Variants in LGR6 observed in about 807,000 individuals in gnomAD.
The protein encoded by LGR6 is leucine-rich repeat-containing G protein-coupled receptor 6.
Under a neutral mutation model 69.4 loss-of-function variants are expected in LGR6, and 45 were observed. The observed-to-expected ratio is 0.65, with a 90% CI of 0.51 to 0.83. LGR6 has a LOEUF of 0.83. Ranked by LOEUF, LGR6 falls within the 40% of genes least tolerant of loss-of-function variation. The pLI, the probability that LGR6 is intolerant of heterozygous loss-of-function variation, is 0.00. For synonymous variants in LGR6, 538 were observed against 555.0 expected (o/e 0.97, Z 0.43); for missense variants, 1,108 against 1,246.7 (o/e 0.89, Z 1.68).
chr1:202,263,282 C>T (rs1388823520), intron 4 of LGR6, among the ~76,000 whole-genome samples: 2 of 152,016 alleles, frequency 1.3e-5, no homozygotes, highest in Admixed American at 6.6e-5. Context: ...ACCCCAATGC[C>T]CAGCTAAATT....
chr1:202,309,736 C>A (rs1042219538), intron 15 of LGR6, among the ~76,000 whole-genome samples: 5 of 152,224 alleles, frequency 3.3e-5, no homozygotes, highest in Non-Finnish European at 5.9e-5. Context: ...CTCCAATATG[C>A]CCAGAGGTGG....
intron 4 of LGR6, among the ~76,000 whole-genome samples, chr1:202,246,001 C>T (rs1435504213): frequency 6.8e-6 from 1 of 147,240 alleles, no homozygotes. Flanking sequence ...CATCCATCCC[C>T]CATCCCTCCT....
rs540041139 is a variant in LGR6, at chr1:202,317,900, A to G, written c.1649-52A>G. The G allele has an allele frequency of 3.1e-5, 47 of 1,502,992 alleles. No individual in the cohort carries two copies. In the South Asian group the frequency reaches 5.8e-4, roughly 18 times the overall value. 93.1% of individuals were successfully genotyped at this position (1,502,992 alleles called of 1,614,324 possible). A position where few individuals can be genotyped will look rare whatever the true frequency, so the allele number is the denominator to read the frequency against. The stretch of plus-strand genomic sequence containing the variant: ...ACAGAGGCTGACCTTGGTCCTGAAG[A>G]CCTGGTCCCACCATCCTCTGGCCCA... On this transcript the variant is annotated intron_variant, in intron 17 of 17. Transcript: ENST00000367278.
chr1:202,244,278 G>A (rs543685558), intron 4 of LGR6, among the ~76,000 whole-genome samples: 78 of 152,256 alleles, frequency 5.1e-4, no homozygotes, highest in African/African-American at 1.8e-3. Context: ...GTCTTAACAA[G>A]CCCTCCAGGT....
At chr1:202,214,839 T>G (rs961742860) in intron 1 of LGR6, among the ~76,000 whole-genome samples, 10 of 152,126 alleles carry the variant, frequency 6.6e-5, no homozygotes, top group Admixed American at 3.3e-4. Flanking sequence ...TTTAGCACAG[T>G]GTGTGATCCA....
chr1:202,318,414 C>T lies in LGR6; in HGVS notation c.2111C>T (p.Pro704Leu). 6.2e-7 allele frequency: 1 copy of T among 1,609,576 alleles called. No homozygotes were observed. Among genetic ancestry groups the T allele is most frequent in the Non-Finnish European group, 8.5e-7 (1 of 1,178,036 alleles). Reference sequence around the variant, plus strand: ...CTGGCAGGGCTGGCCGCCGCGCTGCCCCTGGCCTCAGTGGGAGAATACGGG... The same window carrying T: ...CTGGCAGGGCTGGCCGCCGCGCTGCTCCTGGCCTCAGTGGGAGAATACGGG... ...LALAGLAAAL[P>L]LASVGEYGAS... Residue 704 changes from proline (P) to leucine (L), a missense_variant, in exon 18 of 18, where the codon CCC becomes CTC. Coordinates refer to ENST00000367278, the MANE Select transcript of LGR6 (RefSeq NM_001017403.2).
chr1:202,297,554 A>G lies in LGR6; in HGVS notation c.763A>G (p.Thr255Ala), dbSNP rs1667251817. ...GCAGGAGTTCCCTGTGGCCATCCGG[A>G]CCCTGGGCAGACTGCAGGAACTGTA... ...KLQEFPVAIR[T>A]LGRLQELGFH... The change falls in exon 7 of 18, where the codon ACC becomes GCC. Residue 255 changes from threonine to alanine, a missense_variant. Thr to Ala is a moderately conservative substitution (Grantham distance 58). Transcript: ENST00000367278. The G allele has an allele frequency of 6.2e-7, 1 of 1,613,814 alleles. No individual in the cohort carries two copies. Among genetic ancestry groups the G allele is most frequent in the Non-Finnish European group, 8.5e-7 (1 of 1,179,886 alleles).
intron 13 of LGR6, 133 bp from the exon 14 acceptor site, chr1:202,307,197 C>T: frequency 1.1e-6 from 1 of 877,572 alleles, no homozygotes; most frequent in Non-Finnish European, 1.8e-6. Flanking sequence ...GCAGCAGGTA[C>T]CTTCCCCAAA....
rs1404050886 is a variant in LGR6 at position 202,268,312 on chromosome 1, TGCTCG to T, written c.429-7991_429-7987del. Among the ~76,000 whole-genome samples the T allele has an allele frequency of 6.6e-6, 1 of 152,182 alleles. No homozygotes were observed. Among genetic ancestry groups the T allele is most frequent in the African/African-American group, 2.4e-5 (1 of 41,440 alleles). On this transcript the variant is annotated intron_variant, in intron 4 of 17. Transcript: ENST00000367278. The surrounding 1 kb of genome is among the most constrained non-coding windows in gnomAD (Gnocchi z 4.4). The stretch of plus-strand genomic sequence containing the variant: ...GGAAGGCCCAAGGGCATCTCCTCAC[TGCTCG>T]GCAGGTGCCAGCCTGCTCCCTGCTG...
At chr1:202,290,807 T>A (rs991324208) in intron 6 of LGR6, among the ~76,000 whole-genome samples, 1 of 152,182 alleles carries the variant, frequency 6.6e-6, no homozygotes, top group African/African-American at 2.4e-5. Context: ...GAGGTTGTAG[T>A]GAGCTGAGAT....
chr1:202,209,707 G>A (rs960555562), intron 1 of LGR6, among the ~76,000 whole-genome samples: 3 of 152,180 alleles, frequency 2.0e-5, no homozygotes, highest in Non-Finnish European at 2.9e-5. Flanking sequence ...CCTTTCACTC[G>A]AAGTATGGTT....
At chr1:202,285,168 A>T (rs1449114405) in intron 6 of LGR6, among the ~76,000 whole-genome samples, 1 of 152,250 alleles carries the variant, frequency 6.6e-6, no homozygotes, top group Non-Finnish European at 1.5e-5. Flanking sequence ...TTTCCACAGA[A>T]CATTTTTACT....
chr1:202,288,709 G>C (rs535640615), intron 6 of LGR6, among the ~76,000 whole-genome samples: 1 of 152,292 alleles, frequency 6.6e-6, no homozygotes, highest in East Asian at 1.9e-4. Flanking sequence ...ATGCTGTCTT[G>C]GAGAAATGGC....
chr1:202,298,013 T>A (rs941402590), intron 7 of LGR6, among the ~76,000 whole-genome samples: 1 of 152,232 alleles, frequency 6.6e-6, no homozygotes, highest in Non-Finnish European at 1.5e-5. Flanking sequence ...AGCCACCATT[T>A]ATTATTTTAT....
intron 1 of LGR6, among the ~76,000 whole-genome samples, chr1:202,204,447 CCA>C (rs199857270): frequency 0.36 from 25,502 of 69,994 alleles, 5,888 homozygotes; most frequent in South Asian, 0.6. Flanking sequence ...ACACACACCT[CCA>C]CACACACACA....
At chr1:202,223,087 G>A (rs1372986105) in intron 1 of LGR6, among the ~76,000 whole-genome samples, 3 of 109,658 alleles carry the variant, frequency 2.7e-5, no homozygotes, top group East Asian at 3.4e-4. Flanking sequence ...GGTGACAACA[G>A]TGAAACTCTG....
At chr1:202,275,523 A>C (rs1394919213) in intron 4 of LGR6, among the ~76,000 whole-genome samples, 1 of 152,132 alleles carries the variant, frequency 6.6e-6, no homozygotes, top group Non-Finnish European at 1.5e-5. Flanking sequence ...AAGCAGGATC[A>C]CCCACCATCT....
rs202183529 is a variant in LGR6 at position 202,297,585 on chromosome 1, C to A, written c.785+9C>A. Reference sequence around the variant, plus strand: ...GGCAGACTGCAGGAACTGTAAGCGCCTCTTTTGGTTTCTGTGGGTGTCCTT... The same window carrying A: ...GGCAGACTGCAGGAACTGTAAGCGCATCTTTTGGTTTCTGTGGGTGTCCTT... On this transcript the variant is annotated intron_variant, in intron 7 of 17. Coordinates refer to ENST00000367278, the MANE Select transcript of LGR6 (RefSeq NM_001017403.2). The A allele has an allele frequency of 2.3e-4, 363 of 1,612,722 alleles. 2 individuals carry two copies. Among genetic ancestry groups the A allele is most frequent in the Admixed American group, 3.7e-4 (22 of 59,756 alleles).
At chr1:202,290,216 A>G (rs1007363303) in intron 6 of LGR6, among the ~76,000 whole-genome samples, 25 of 152,246 alleles carry the variant, frequency 1.6e-4, no homozygotes, top group African/African-American at 6.0e-4. Flanking sequence ...AGGTGAAGAA[A>G]TGAGCTAAGA....
Sources: gnomAD v4.1 joint callset for allele counts (sites outside exome capture counted in the v4.1 genomes callset) on GRCh38, gnomAD v4.1.1 for gene constraint, Gnocchi (gnomAD v3.1) non-coding constraint, MANE v1.5 for transcripts, NCBI Gene and HGNC (gene_info 2026-07-23, HGNC 2026-07-21) for gene names.